Variants in DMXL1 observed in about 807,000 individuals in gnomAD.
The protein encoded by DMXL1 is dmX-like protein 1.
In DMXL1, 99 loss-of-function variants were observed where a neutral mutation model predicts 319.2. That is an observed-to-expected ratio of 0.31 (90% CI 0.26 to 0.37). The LOEUF (loss-of-function observed/expected upper bound fraction) is 0.37, where lower values mean the gene tolerates loss of function less well. DMXL1 is among the 10% of genes least tolerant of loss of function. DMXL1 has a pLI of 1.00. For synonymous variants in DMXL1, 1,385 were observed against 1,235.2 expected (o/e 1.12, Z -2.54); for missense variants, 3,745 against 3,595.6 (o/e 1.04, Z -1.06).
intron 38 of DMXL1, among the ~76,000 whole-genome samples, chr5:119,226,741 C>T (rs142956803): frequency 7.9e-5 from 12 of 152,272 alleles, no homozygotes; most frequent in Admixed American, 3.3e-4. Context: ...GGCATACTGG[C>T]TATAAATCAG....
intron 39 of DMXL1, among the ~76,000 whole-genome samples, chr5:119,236,162 A>T (rs982057023): frequency 6.6e-6 from 1 of 152,120 alleles, no homozygotes; most frequent in Admixed American, 6.6e-5. Context: ...TAATTGAAGA[A>T]GTGCAAATAA....
At chr5:119,099,279 C>T (rs184195381) in intron 2 of DMXL1, among the ~76,000 whole-genome samples, 12 of 151,990 alleles carry the variant, frequency 7.9e-5, no homozygotes, top group African/African-American at 2.4e-4. Context: ...GGTGCAATCT[C>T]AGCTCACTGC....
chr5:119,117,015 GT>G (rs1327484868), intron 7 of DMXL1, among the ~76,000 whole-genome samples: 1 of 151,588 alleles, frequency 6.6e-6, no homozygotes, highest in Non-Finnish European at 1.5e-5. Context: ...ATTTTTGTTT[GT>G]TTTTTATGTG....
intron 29 of DMXL1, among the ~76,000 whole-genome samples, chr5:119,190,715 A>T (rs1248551301): frequency 6.6e-6 from 1 of 152,186 alleles, no homozygotes; most frequent in Non-Finnish European, 1.5e-5. Flanking sequence ...CATTTGAAAG[A>T]CTCTAGATGA....
intron 34 of DMXL1, among the ~76,000 whole-genome samples, chr5:119,214,294 A>G (rs1279998504): frequency 1.3e-5 from 2 of 152,154 alleles, no homozygotes. Context: ...AACAAAATGT[A>G]TCCCAATTCC....
At chr5:119,164,747 C>T (rs1319036413) in intron 20 of DMXL1, 71 bp downstream of exon 20, 58 of 1,371,214 alleles carry the variant, frequency 4.2e-5, no homozygotes, top group Non-Finnish European at 5.5e-5. Flanking sequence ...CATTTCATAT[C>T]TTCTCTGCCA....
chr5:119,164,764 C>A, intron 20 of DMXL1, 88 bp downstream of exon 20: 2 of 1,218,816 alleles, frequency 1.6e-6, no homozygotes, highest in Non-Finnish European at 2.3e-6. Context: ...GCCATTACTC[C>A]CTCTTGTTTT....
chr5:119,222,225 G>A (rs1274183315), intron 37 of DMXL1, among the ~76,000 whole-genome samples: 3 of 152,094 alleles, frequency 2.0e-5, no homozygotes, highest in African/African-American at 7.2e-5. Context: ...TTCTTCAGAT[G>A]AAGCTTGAGA....
chr5:119,143,413 G>C (rs757232823), intron 13 of DMXL1, among the ~76,000 whole-genome samples: 5 of 152,002 alleles, frequency 3.3e-5, no homozygotes, highest in Non-Finnish European at 5.9e-5. Flanking sequence ...GAATTTAGCA[G>C]TGTGACCTTG....
chr5:119,173,668 A>ATGTGTGTGTGTGTGTGTGTGTG (rs1461681311), intron 25 of DMXL1, among the ~76,000 whole-genome samples: 38 of 100,526 alleles, frequency 3.8e-4, no homozygotes, highest in African/African-American at 1.1e-3. Context: ...AATCAGTAGG[A>ATGTGTGTGTGTGTGTGTGTGTG]TGTATGTGTG....
intron 41 of DMXL1, among the ~76,000 whole-genome samples, chr5:119,239,871 C>T (rs1366602590): frequency 6.6e-6 from 1 of 150,702 alleles, no homozygotes; most frequent in Non-Finnish European, 1.5e-5. Flanking sequence ...GCAGGAGAAT[C>T]GCTTGAACCT....
chr5:119,146,339 A>T (rs1045139218), intron 15 of DMXL1, among the ~76,000 whole-genome samples: 3 of 151,932 alleles, frequency 2.0e-5, no homozygotes, highest in African/African-American at 7.2e-5. Context: ...GTTTATTTTG[A>T]GCAACTCGTG....
intron 1 of DMXL1, among the ~76,000 whole-genome samples, chr5:119,077,756 T>A (rs1580551620): frequency 5.0e-5 from 4 of 80,034 alleles, no homozygotes; most frequent in South Asian, 4.0e-4. Flanking sequence ...ATTTTTTAAG[T>A]GTGTGTGTGT....
chr5:119,244,289 T>G (rs1789335136), intron 42 of DMXL1, 70 bp from the exon 43 acceptor site: 1 of 1,276,750 alleles, frequency 7.8e-7, no homozygotes, highest in African/African-American at 1.5e-5. Context: ...TTATTTCACT[T>G]TAGCCAAAAG....
At chr5:119,167,904 A>G in intron 23 of DMXL1, 40 bp downstream of exon 23, 3 of 1,576,758 alleles carry the variant, frequency 1.9e-6, no homozygotes, top group Non-Finnish European at 2.6e-6. Context: ...TAAGAATATT[A>G]TTGGTAATTG....
chr5:119,173,776 G>GTGTGTGTATATA, intron 25 of DMXL1, among the ~76,000 whole-genome samples: 3 of 67,170 alleles, frequency 4.5e-5, no homozygotes, highest in African/African-American at 1.7e-4. Flanking sequence ...ATGTGTGTGT[G>GTGTGTGTATATA]TATATATATA....
At chr5:119,137,327 GC>G (rs1469033135) in intron 13 of DMXL1, among the ~76,000 whole-genome samples, 1 of 152,224 alleles carries the variant, frequency 6.6e-6, no homozygotes, top group East Asian at 1.9e-4. Context: ...TAACCAACTT[GC>G]TTTTGATTTT....
chr5:119,188,392 A>T (rs1411711532), intron 28 of DMXL1, among the ~76,000 whole-genome samples: 2 of 152,176 alleles, frequency 1.3e-5, no homozygotes, highest in Non-Finnish European at 2.9e-5. Flanking sequence ...ACATAAGGAG[A>T]CCTCCATCTC....
At chr5:119,128,999 A>C (rs940291886) in intron 9 of DMXL1, among the ~76,000 whole-genome samples, 1 of 152,022 alleles carries the variant, frequency 6.6e-6, no homozygotes, top group East Asian at 1.9e-4. Flanking sequence ...GGGAGTTTGC[A>C]GTAAGCCAAG....
Sources: gnomAD v4.1 joint callset for allele counts (sites outside exome capture counted in the v4.1 genomes callset) on GRCh38, gnomAD v4.1.1 for gene constraint, MANE v1.5 for transcripts, NCBI Gene and HGNC (gene_info 2026-07-23, HGNC 2026-07-21) for gene names.